The following GOLGA8A variants were observed in gnomAD, a reference collection of about 807,000 sequenced individuals.
GOLGA8A encodes golgin A8 family member A, also known as golgin subfamily A member 8A.
A neutral mutation model predicts 22.1 loss-of-function variants in GOLGA8A; 3 were observed. The observed-to-expected ratio is 0.14, with a 90% CI of 0.06 to 0.35. The LOEUF is 0.35. Among genes scored for constraint, GOLGA8A ranks in the 10% least tolerant of loss-of-function variants. The pLI is 1.00. For synonymous variants in GOLGA8A, 7 were observed against 91.7 expected, an observed-to-expected ratio of 0.08 and a Z score of 5.28; for missense variants, 16 against 233.2, an observed-to-expected ratio of 0.07 and a Z score of 6.07.
In GOLGA8A at chr15:34,400,751, C is replaced by T. The variant is rs1388017718; in HGVS notation, c.-566G>A. The stretch of plus-strand genomic sequence containing the variant: ...AGGAAGACAACCCAGTTGACAACGA[C>T]AACAGTTTCTATGATAACAAAAGTG... On this transcript the variant is annotated 5_prime_UTR_variant, in exon 6 of 25. Coordinates refer to ENST00000359187, the MANE Select transcript of GOLGA8A (RefSeq NM_181077.5). 2.0e-5 allele frequency: 3 copies of T among 146,728 alleles called. No homozygotes were observed. In the East Asian group the frequency reaches 5.8e-4, roughly 28 times the overall value. 9.1% of individuals were successfully genotyped at this position (146,728 alleles called of 1,614,324 possible).
At position 34,381,535 on chromosome 15, in the gene GOLGA8A, G is replaced by C. The variant is rs142114293; in HGVS notation, c.1688C>G (p.Pro563Arg). Residue 563 changes from proline (P) to arginine (R), a missense_variant, in exon 25 of 25, where the codon CCT becomes CGT. By Grantham distance (103) the Pro-to-Arg change is moderately radical. Transcript: ENST00000359187. ...GAGCTGCACGACTGGCTGTGCAGTA[G>C]GGTTGTCCTGGGAAGAACCCTCCCT... ...EAREGSSQDN[P>R]TAQPVVQLLG... The C allele has an allele frequency of 8.1e-5, 131 of 1,612,488 alleles. No homozygotes were observed. Among genetic ancestry groups the C allele is most frequent in the Non-Finnish European group, 1.1e-4 (126 of 1,179,560 alleles).
At chr15:34,411,221 T>A (rs995108156) in intron 2 of GOLGA8A, among the ~76,000 whole-genome samples, 2 of 49,612 alleles carry the variant, frequency 4.0e-5, no homozygotes, top group Non-Finnish European at 7.3e-5. Flanking sequence ...AACTGTATTT[T>A]AATTATAGCA....
rs1262149925 is a variant in GOLGA8A, at chr15:34,425,166, A to G, written c.-1123+10217T>C. Among the ~76,000 whole-genome samples the G allele has an allele frequency of 6.9e-5, 10 of 145,930 alleles. 1 individual carries two copies. The highest frequency in any genetic ancestry group is 3.0e-5 in the Non-Finnish European group (2 of 66,068). On this transcript the variant is annotated intron_variant, in intron 2 of 24. Transcript: ENST00000359187. The stretch of plus-strand genomic sequence containing the variant: ...AAGGTTGGCGGAGAATGAAAAAAGA[A>G]GAGGAATGAAGAGGTAATGGCCCTT...
chr15:34,403,611 ATAAAG>A (rs1892108333), intron 5 of GOLGA8A, among the ~76,000 whole-genome samples: 8 of 150,276 alleles, frequency 5.3e-5, no homozygotes, highest in African/African-American at 4.9e-5. Flanking sequence ...GAGAGCATCT[ATAAAG>A]TATAAAGTAC....
Position 34,381,149 on chromosome 15 carries a change from C to T in GOLGA8A, c.*262G>A, listed in dbSNP as rs1221486055. On this transcript the variant is annotated 3_prime_UTR_variant, in exon 25 of 25. Coordinates refer to ENST00000359187, the MANE Select transcript of GOLGA8A (RefSeq NM_181077.5). ...AACTCCCACCACGTAAGGGCAAACT[C>T]GATATGCATGCTAATGACCTACAAT... 7 of 554,184 alleles carry T rather than the reference C, an allele frequency of 1.3e-5. No homozygotes were observed. Among genetic ancestry groups the T allele is most frequent in the Middle Eastern group, 9.8e-4 (2 of 2,044 alleles). The allele number at this position is 554,184 out of a possible 1,614,324, so 34.3% of individuals were successfully genotyped here. A position where few individuals can be genotyped will look rare whatever the true frequency, so the allele number is the denominator to read the frequency against.
At position 34,437,679 on chromosome 15, in the gene GOLGA8A, C is replaced by G. The variant is rs1482865938; in HGVS notation, c.-1493G>C. Among the ~76,000 whole-genome samples the G allele has an allele frequency of 8.2e-6, 1 of 122,058 alleles. No individual in the cohort carries two copies. The highest frequency in any genetic ancestry group is 1.7e-5 in the Non-Finnish European group (1 of 57,436). 80.1% of individuals were successfully genotyped at this position (122,058 alleles called of 152,430 possible). On this transcript the variant is annotated 5_prime_UTR_variant, in exon 1 of 25. Coordinates refer to ENST00000359187, the MANE Select transcript of GOLGA8A (RefSeq NM_181077.5). ...GTCCTCGCCGCGCCGCCGTCCTCGC[C>G]GCGCCGCCGTCCTCGCCGCGCCGCC...
In GOLGA8A at chr15:34,379,982, CTGA is replaced by C. The variant is rs1214898971; in HGVS notation, c.*1426_*1428del. Reference sequence around the variant, plus strand: ...CTCTGCGATCGTATAGACATGTTTCCTGATAATACAGACATTCACAAACAGTAG... The same window carrying C: ...CTCTGCGATCGTATAGACATGTTTCCTAATACAGACATTCACAAACAGTAG... On this transcript the variant is annotated 3_prime_UTR_variant, in exon 25 of 25. Coordinates refer to ENST00000359187, the MANE Select transcript of GOLGA8A (RefSeq NM_181077.5). The C allele has an allele frequency of 2.6e-5, 4 of 152,610 alleles. No individual in the cohort carries two copies. The South Asian group carries it at 6.2e-4, about 24-fold the overall frequency. The allele number at this position is 152,610 out of a possible 1,614,324, so 9.5% of individuals were successfully genotyped here. A position where few individuals can be genotyped will look rare whatever the true frequency, so the allele number is the denominator to read the frequency against.
At chr15:34,431,799 T>C in intron 2 of GOLGA8A, among the ~76,000 whole-genome samples, 1 of 148,606 alleles carries the variant, frequency 6.7e-6, no homozygotes, top group Middle Eastern at 3.4e-3. Context: ...TTAAATATTT[T>C]ATATATTTTT....
At chr15:34,435,065 C>T (rs908725238) in intron 2 of GOLGA8A, among the ~76,000 whole-genome samples, 1 of 149,606 alleles carries the variant, frequency 6.7e-6, no homozygotes, top group African/African-American at 2.5e-5. Context: ...TTCTCCAAGA[C>T]TTCAGACGAC....
Position 34,433,035 on chromosome 15 carries a change from T to C in GOLGA8A, c.-1123+2348A>G, listed in dbSNP as rs1198056990. ...GAGAAAGACTCTCAAGCCAGAAGAC[T>C]GGTCCTGGGCCCCAGGGATTAGTGG... is the stretch of plus-strand genomic sequence containing the variant. On this transcript the variant is annotated intron_variant, in intron 2 of 24. Transcript: ENST00000359187. 1.3e-5 allele frequency among the ~76,000 whole-genome samples: 2 copies of C among 149,278 alleles called. 1 individual carries two copies. Among genetic ancestry groups the C allele is most frequent in the Admixed American group, 1.4e-4 (2 of 14,742 alleles).
intron 2 of GOLGA8A, among the ~76,000 whole-genome samples, chr15:34,420,534 G>A (rs548493384): frequency 7.1e-6 from 1 of 141,756 alleles, no homozygotes; most frequent in East Asian, 2.1e-4. Flanking sequence ...TGAGGATGGA[G>A]GTGTCACTGC....
At chr15:34,425,475 G>C (rs961156262) in intron 2 of GOLGA8A, among the ~76,000 whole-genome samples, 1 of 145,182 alleles carries the variant, frequency 6.9e-6, no homozygotes, top group Non-Finnish European at 1.5e-5. Context: ...AAAAAATCGA[G>C]ACTATCAAGT....
intron 2 of GOLGA8A, among the ~76,000 whole-genome samples, chr15:34,425,025 T>G (rs1054844583): frequency 1.4e-5 from 2 of 146,334 alleles, no homozygotes; most frequent in Non-Finnish European, 3.0e-5. Flanking sequence ...AAGTCAAGGC[T>G]GCAATGAGCC....
intron 2 of GOLGA8A, among the ~76,000 whole-genome samples, chr15:34,430,747 T>C (rs920658634): frequency 6.7e-6 from 1 of 149,668 alleles, no homozygotes; most frequent in Non-Finnish European, 1.5e-5. Context: ...ATCTCCTCCA[T>C]CCATAGTAAC....
intron 1 of GOLGA8A, among the ~76,000 whole-genome samples, chr15:34,436,981 CG>C (rs1893551700): frequency 6.7e-6 from 1 of 149,482 alleles, no homozygotes; most frequent in South Asian, 2.1e-4. Flanking sequence ...CCGCCCGGCA[CG>C]GGGACTTGAT....
intron 2 of GOLGA8A, chr15:34,428,896 T>C (rs1893101732): frequency 2.4e-5 from 1 of 42,396 alleles, no homozygotes; most frequent in Admixed American, 2.3e-4. Flanking sequence ...TAAATCCTTG[T>C]TAAAAAAAAA....
In GOLGA8A at chr15:34,434,811, C is replaced by T. The variant is rs1262564144; in HGVS notation, c.-1123+572G>A. Among the ~76,000 whole-genome samples the T allele has an allele frequency of 2.0e-5, 3 of 149,528 alleles. No individual in the cohort carries two copies. In the Admixed American group the frequency reaches 2.0e-4, roughly 10 times the overall value. On this transcript the variant is annotated intron_variant, in intron 2 of 24. Transcript: ENST00000359187. Reference sequence around the variant, plus strand: ...ACCTTACACCCTACCTGTGCCTCCACGTCCCCAGTGCTCACGGCCACCTGG... The same window carrying T: ...ACCTTACACCCTACCTGTGCCTCCATGTCCCCAGTGCTCACGGCCACCTGG...
intron 2 of GOLGA8A, chr15:34,416,139 T>TG (rs1440768448): frequency 1.3e-5 from 2 of 151,970 alleles, no homozygotes; most frequent in African/African-American, 4.8e-5. Context: ...GAGCCAACCT[T>TG]GATTCACTGT....
rs1432206834 is a variant in GOLGA8A, at chr15:34,435,467, T to C, written c.-1207A>G. 6.7e-6 allele frequency: 1 copy of C among 149,366 alleles called. No homozygotes were observed. The highest frequency in any genetic ancestry group is 1.5e-5 in the Non-Finnish European group (1 of 67,226). The allele number at this position is 149,366 out of a possible 1,614,324, so 9.3% of individuals were successfully genotyped here. On this transcript the variant is annotated 5_prime_UTR_variant, in exon 2 of 25. In the 5' UTR this introduces an upstream ATG that the reference lacks. Transcript: ENST00000359187. ...CATTTCACAATCCATCTCCACCGATTATTCCTGTAAAACATTTTTTTTTTT... is the reference window on the plus strand; with the variant it reads ...CATTTCACAATCCATCTCCACCGATCATTCCTGTAAAACATTTTTTTTTTT...
Sources: gnomAD v4.1 joint callset for allele counts (sites outside exome capture counted in the v4.1 genomes callset) on GRCh38, gnomAD v4.1.1 for gene constraint, MANE v1.5 for transcripts, NCBI Gene and HGNC (gene_info 2026-07-23, HGNC 2026-07-21) for gene names.